The following NPNT variants were observed in gnomAD, a reference collection of about 807,000 sequenced individuals.
NPNT encodes the protein nephronectin.
In NPNT, 45 loss-of-function variants were observed where a neutral mutation model predicts 68.6. The observed-to-expected ratio is 0.66, with a 90% CI of 0.52 to 0.84. The LOEUF (loss-of-function observed/expected upper bound fraction) is 0.84, where lower values mean the gene tolerates loss of function less well. Ranked by LOEUF, NPNT falls within the 40% of genes least tolerant of loss-of-function variation. The probability of loss-of-function intolerance (pLI) is 0.00; values close to 1 mark genes in which losing one functional copy is unlikely to be tolerated. For synonymous variants in NPNT, 233 were observed against 253.3 expected, an observed-to-expected ratio of 0.92 and a Z score of 0.76; for missense variants, 672 against 714.8, an observed-to-expected ratio of 0.94 and a Z score of 0.68.
intron 2 of NPNT, among the ~76,000 whole-genome samples, chr4:105,918,753 A>C (rs1350442653): frequency 6.6e-6 from 1 of 152,132 alleles, no homozygotes. Context: ...AGTGTCTTAG[A>C]CACTGGGGCG....
rs181604153 is a variant in NPNT, at chr4:105,927,951, A to G, written c.265+523A>G. Among the ~76,000 whole-genome samples the G allele has an allele frequency of 3.9e-4, 60 of 152,372 alleles. 1 individual carries two copies. In the East Asian group the frequency reaches 9.4e-3, roughly 24 times the overall value. On this transcript the variant is annotated intron_variant, in intron 3 of 11. Coordinates refer to ENST00000379987, the MANE Select transcript of NPNT (RefSeq NM_001033047.3). ...GCAAGCACTTTTTAAAAAAATCAGCATCAGTTGTTTAAAGCAAATATTTAT... is the reference window on the plus strand; with the variant it reads ...GCAAGCACTTTTTAAAAAAATCAGCGTCAGTTGTTTAAAGCAAATATTTAT...
intron 10 of NPNT, among the ~76,000 whole-genome samples, chr4:105,962,084 G>A (rs1237481304): frequency 6.6e-6 from 1 of 152,188 alleles, no homozygotes; most frequent in African/African-American, 2.4e-5. Context: ...GTTTTAGTGT[G>A]TAATGAAATC....
rs147630398 is a variant in NPNT, at chr4:105,897,932, C to T, written c.103C>T (p.Leu35=). The T allele has an allele frequency of 1.4e-3, 2,266 of 1,613,592 alleles. 8 individuals are homozygous for T. Among genetic ancestry groups the T allele is most frequent in the Middle Eastern group, 7.1e-3 (43 of 6,060 alleles). Residue 35 remains leucine (L), a synonymous_variant, in exon 2 of 12, where the codon CTA becomes TTA. Transcript: ENST00000379987. ...CAGGCAAATAGTGTCATCGATTGGC[C>T]TATGTCGTTATGGTGGGAGGATTGA... ...WPRQIVSSIG[L]CRYGGRIDCC...
chr4:105,931,283 C>A (rs894179912), intron 3 of NPNT, among the ~76,000 whole-genome samples: 2 of 152,114 alleles, frequency 1.3e-5, no homozygotes, highest in Admixed American at 6.5e-5. Context: ...TAGGAATTTA[C>A]AGTGTACTTT....
At position 105,931,297 on chromosome 4, in the gene NPNT, A is replaced by G. The variant is rs112127963; in HGVS notation, c.265+3869A>G. 3.3e-5 allele frequency among the ~76,000 whole-genome samples: 5 copies of G among 152,310 alleles called. No homozygotes were observed. In the South Asian group the frequency reaches 1.0e-3, roughly 32 times the overall value. On this transcript the variant is annotated intron_variant, in intron 3 of 11. Transcript: ENST00000379987. The stretch of plus-strand genomic sequence containing the variant: ...TTAGGAATTTACAGTGTACTTTATA[A>G]TAATTTCAGAAGAAAATATTTATAA...
intron 8 of NPNT, among the ~76,000 whole-genome samples, chr4:105,943,669 T>C (rs1282081585): frequency 6.6e-6 from 1 of 152,222 alleles, no homozygotes; most frequent in Non-Finnish European, 1.5e-5. Flanking sequence ...CTGCTTGTCC[T>C]GTGTCACTTC....
At chr4:105,956,269 G>T (rs868816423) in intron 8 of NPNT, among the ~76,000 whole-genome samples, 4 of 151,720 alleles carry the variant, frequency 2.6e-5, no homozygotes, top group African/African-American at 9.7e-5. Flanking sequence ...CACTTTCTTT[G>T]TGCTTGCTGC....
chr4:105,940,711 A>G, intron 7 of NPNT, 75 bp downstream of exon 7: 2 of 1,239,234 alleles, frequency 1.6e-6, no homozygotes, highest in Non-Finnish European at 2.3e-6. Context: ...TGCTAGGGAA[A>G]ATAAGGAATA....
intron 2 of NPNT, among the ~76,000 whole-genome samples, chr4:105,922,389 ATT>A (rs34610550): frequency 9.3e-4 from 130 of 139,334 alleles, no homozygotes; most frequent in Middle Eastern, 3.7e-3. Context: ...TAAGATGGAT[ATT>A]TTTTTTTTTT....
chr4:105,918,945 A>G (rs545553341), intron 2 of NPNT, among the ~76,000 whole-genome samples: 1 of 152,272 alleles, frequency 6.6e-6, no homozygotes, highest in East Asian at 1.9e-4. Context: ...AAAAATGGCA[A>G]TGAGAGCAGA....
At chr4:105,925,421 CA>C (rs1430902685) in intron 2 of NPNT, among the ~76,000 whole-genome samples, 1 of 151,498 alleles carries the variant, frequency 6.6e-6, no homozygotes, top group Non-Finnish European at 1.5e-5. Flanking sequence ...GTAAAATTAG[CA>C]AAGAGGCCCT....
chr4:105,895,817 G>T, intron 1 of NPNT, 94 bp downstream of exon 1: 1 of 1,108,000 alleles, frequency 9.0e-7, no homozygotes, highest in Non-Finnish European at 1.3e-6. Flanking sequence ...TTCGTGGTCA[G>T]AGAGGCGTCT....
Position 105,895,739 on chromosome 4 carries a change from G to A in NPNT, c.71+16G>A. 5 of 1,549,508 alleles carry A rather than the reference G, an allele frequency of 3.2e-6. No homozygotes were observed. The highest frequency in any genetic ancestry group is 4.4e-6 in the Non-Finnish European group (5 of 1,145,236). ...TCGACGGGAGGTGAGCTGGGCCCCGGGGCGCCCTCTCCTCCTTCCCGCGCT... is the reference window on the plus strand; with the variant it reads ...TCGACGGGAGGTGAGCTGGGCCCCGAGGCGCCCTCTCCTCCTTCCCGCGCT... On this transcript the variant is annotated intron_variant, in intron 1 of 11. Coordinates refer to ENST00000379987, the MANE Select transcript of NPNT (RefSeq NM_001033047.3).
At chr4:105,949,455 G>C (rs533021073) in intron 8 of NPNT, among the ~76,000 whole-genome samples, 1 of 152,226 alleles carries the variant, frequency 6.6e-6, no homozygotes, top group South Asian at 2.1e-4. Context: ...TAGGAATGAG[G>C]GTTGGGGAGG....
chr4:105,896,661 A>G (rs2149306437), intron 1 of NPNT, among the ~76,000 whole-genome samples: 1 of 152,074 alleles, frequency 6.6e-6, no homozygotes, highest in South Asian at 2.1e-4. Context: ...TCCTAAAGAA[A>G]GATGCCGCAC....
At chr4:105,939,990 T>G in intron 5 of NPNT, 85 bp from the exon 6 acceptor site, 1 of 1,185,798 alleles carries the variant, frequency 8.4e-7, no homozygotes, top group Non-Finnish European at 1.2e-6. Context: ...TAGGCAACCA[T>G]TTGTAGTCAG....
chr4:105,968,878 G>T lies in NPNT; in HGVS notation c.1603-17G>T. On this transcript the variant is annotated splice_polypyrimidine_tract_variant and intron_variant, in intron 11 of 11. Transcript: ENST00000379987. The stretch of plus-strand genomic sequence containing the variant: ...GGGGCAGAGGAGGCTTGACTGGTGT[G>T]TGCATTCTCTCCCTAGGTCGTCTTC... 1.3e-6 allele frequency: 2 copies of T among 1,502,124 alleles called. No individual in the cohort carries two copies. Among genetic ancestry groups the T allele is most frequent in the African/African-American group, 1.4e-5 (1 of 72,790 alleles). 93.0% of individuals were successfully genotyped at this position (1,502,124 alleles called of 1,614,324 possible). A position where few individuals can be genotyped will look rare whatever the true frequency, so the allele number is the denominator to read the frequency against.
chr4:105,952,005 G>A (rs150787457), intron 8 of NPNT, among the ~76,000 whole-genome samples: 2,190 of 152,228 alleles, frequency 0.014, 57 homozygotes, highest in African/African-American at 0.049. Context: ...TGAGAATTAG[G>A]TGCAGAGGTA....
At position 105,936,909 on chromosome 4, in the gene NPNT, A is replaced by G. The variant is rs890115939; in HGVS notation, c.266-100A>G. ...AATGACAGTTACTGTAGCTTGACCT[A>G]TTTTTCTCTTTCATTTTTTAATATA... On this transcript the variant is annotated intron_variant, in intron 3 of 11. Coordinates refer to ENST00000379987, the MANE Select transcript of NPNT (RefSeq NM_001033047.3). The G allele has an allele frequency of 3.4e-6, 4 of 1,184,688 alleles. No homozygotes were observed. The African/African-American group carries it at 4.7e-5, about 14-fold the overall frequency. The allele number at this position is 1,184,688 out of a possible 1,614,324, so 73.4% of individuals were successfully genotyped here.
Sources: gnomAD v4.1 joint callset for allele counts (sites outside exome capture counted in the v4.1 genomes callset) on GRCh38, gnomAD v4.1.1 for gene constraint, MANE v1.5 for transcripts, NCBI Gene and HGNC (gene_info 2026-07-23, HGNC 2026-07-21) for gene names.